CACNA1D: variants seen among roughly 807,000 people sequenced by gnomAD.
The protein encoded by CACNA1D is calcium voltage-gated channel subunit alpha1 D.
A neutral mutation model predicts 257.1 loss-of-function variants in CACNA1D; 55 were observed. The ratio of observed to expected loss-of-function variants is 0.21; its 90% CI spans 0.17 to 0.27. The LOEUF is 0.27. Ranked by LOEUF, CACNA1D falls within the 10% of genes least tolerant of loss-of-function variation. The pLI, the probability that CACNA1D is intolerant of heterozygous loss-of-function variation, is 1.00. For missense variants in CACNA1D, 1,876 were observed against 2,784.0 expected (o/e 0.67, Z 7.34); for synonymous variants, 980 against 1,014.9 (o/e 0.97, Z 0.65).
chr3:53,603,867 A>G (rs1207226394), intron 3 of CACNA1D, among the ~76,000 whole-genome samples: 1 of 152,196 alleles, frequency 6.6e-6, no homozygotes, highest in Non-Finnish European at 1.5e-5. Context: ...TTTTTTACAG[A>G]AAGATTTCCA....
chr3:53,530,291 A>G (rs2107440967), intron 3 of CACNA1D: 1 of 152,324 alleles, frequency 6.6e-6, no homozygotes, highest in African/African-American at 2.4e-5. Flanking sequence ...ATACAGGGAA[A>G]AAGGGAATCA....
chr3:53,496,168 C>T (rs1221755716), intron 1 of CACNA1D, among the ~76,000 whole-genome samples: 1 of 152,226 alleles, frequency 6.6e-6, no homozygotes. Flanking sequence ...ATCTCTCTAC[C>T]TTGCTGTCAC....
chr3:53,496,792 G>C (rs2090370687), intron 1 of CACNA1D, among the ~76,000 whole-genome samples: 1 of 152,144 alleles, frequency 6.6e-6, no homozygotes, highest in Non-Finnish European at 1.5e-5. Context: ...ACTCATTAGA[G>C]ATAGATGGGT....
chr3:53,638,786 G>C (rs2093915242), intron 3 of CACNA1D, among the ~76,000 whole-genome samples: 1 of 152,238 alleles, frequency 6.6e-6, no homozygotes, highest in Non-Finnish European at 1.5e-5. Context: ...GAGCTCAGCT[G>C]TGCCACCCAC....
chr3:53,627,276 T>A (rs976356771), intron 3 of CACNA1D, among the ~76,000 whole-genome samples: 28 of 152,112 alleles, frequency 1.8e-4, no homozygotes, highest in African/African-American at 6.8e-4. Flanking sequence ...CTGGGTGAGA[T>A]CCCAGAGAGA....
intron 29 of CACNA1D, among the ~76,000 whole-genome samples, chr3:53,754,297 G>A (rs1375712034): frequency 6.6e-6 from 1 of 152,242 alleles, no homozygotes; most frequent in African/African-American, 2.4e-5. Flanking sequence ...TTGGGAGGGA[G>A]TGAATTCAGT....
At chr3:53,797,662 T>C (rs2095514015) in intron 40 of CACNA1D, 1 of 152,248 alleles carries the variant, frequency 6.6e-6, no homozygotes, top group Admixed American at 6.5e-5. Context: ...GAAGATGTGC[T>C]GGAGACAGTT....
At chr3:53,806,442 G>A (rs1025213285) in intron 45 of CACNA1D, among the ~76,000 whole-genome samples, 24 of 152,134 alleles carry the variant, frequency 1.6e-4, no homozygotes, top group African/African-American at 5.8e-4. Context: ...AGGAGCTGGC[G>A]GATCTGGGTC....
intron 5 of CACNA1D, among the ~76,000 whole-genome samples, 172 bp downstream of exon 5, chr3:53,660,447 A>T (rs936829791): frequency 6.6e-6 from 1 of 152,096 alleles, no homozygotes; most frequent in East Asian, 1.9e-4. Context: ...GTCACGTTGG[A>T]TCCCCATGAC....
chr3:53,720,988 C>G (rs2094877513), intron 11 of CACNA1D, among the ~76,000 whole-genome samples: 1 of 152,110 alleles, frequency 6.6e-6, no homozygotes, highest in African/African-American at 2.4e-5. Context: ...CATGCTTACC[C>G]CAAGCTGGAA....
chr3:53,662,480 C>G (rs1249284582), intron 5 of CACNA1D, among the ~76,000 whole-genome samples: 2 of 152,138 alleles, frequency 1.3e-5, no homozygotes, highest in Non-Finnish European at 2.9e-5. Flanking sequence ...AAACATTTAT[C>G]AAAGTTCAAG....
chr3:53,579,478 T>C (rs939861021), intron 3 of CACNA1D, among the ~76,000 whole-genome samples: 3 of 152,204 alleles, frequency 2.0e-5, no homozygotes, highest in African/African-American at 7.2e-5. Flanking sequence ...AAAAACCTTA[T>C]CATTTAGGAC....
chr3:53,786,941 A>T lies in CACNA1D; in HGVS notation c.4912A>T (p.Ile1638Phe). ...AAAGTACCCTGCGAAGAACACCACA[A>T]TTGCCCTACAGGTGAATTGTTGTCT... is the stretch of plus-strand genomic sequence containing the variant. ...VGKYPAKNTT[I>F]ALQAGLRTLH... Residue 1638 changes from isoleucine (I) to phenylalanine (F), a missense_variant, in exon 40 of 48, where the codon ATT becomes TTT. By Grantham distance (21) the Ile-to-Phe change is conservative. Around this residue, in one of 10 missense-constraint regions of CACNA1D, gnomAD observed 160 missense variants for 236.6 expected, o/e 0.68. Coordinates refer to ENST00000350061, the MANE Select transcript of CACNA1D (RefSeq NM_001128840.3). The T allele has an allele frequency of 6.2e-7, 1 of 1,614,104 alleles. No homozygotes were observed. The highest frequency in any genetic ancestry group is 8.5e-7 in the Non-Finnish European group (1 of 1,179,966).
At chr3:53,576,802 T>G (rs3774455) in intron 3 of CACNA1D, among the ~76,000 whole-genome samples, 131,066 of 152,260 alleles carry the variant, frequency 0.86, 56,544 homozygotes, top group African/African-American at 0.87. Flanking sequence ...AAGGATCTCA[T>G]TCCTTTATCC....
At chr3:53,627,497 C>T (rs548414804) in intron 3 of CACNA1D, among the ~76,000 whole-genome samples, 55 of 151,890 alleles carry the variant, frequency 3.6e-4, no homozygotes, top group Non-Finnish European at 6.9e-4. Context: ...CTTAAGTCCC[C>T]GTTTCTTAGA....
rs1576311080 is a variant in CACNA1D, at chr3:53,673,926, T to G, written c.1220+800T>G. 1.3e-6 allele frequency: 1 copy of G among 766,022 alleles called. No homozygotes were observed. Among genetic ancestry groups the G allele is most frequent in the African/African-American group, 1.7e-5 (1 of 58,778 alleles). The allele number at this position is 766,022 out of a possible 1,614,324, so 47.5% of individuals were successfully genotyped here. ...TTCTCTGCATGTGTTTGGACTCTGA[T>G]GTCCTCTCAGTGTGTTGCTTTTGGA... On this transcript the variant is annotated intron_variant, in intron 8 of 47. Coordinates refer to ENST00000350061, the MANE Select transcript of CACNA1D (RefSeq NM_001128840.3). The surrounding 1 kb of genome is among the most constrained non-coding windows in gnomAD (Gnocchi z 4.1).
chr3:53,517,673 G>A (rs543033455), intron 3 of CACNA1D, among the ~76,000 whole-genome samples: 5 of 152,008 alleles, frequency 3.3e-5, no homozygotes, highest in East Asian at 1.9e-4. Flanking sequence ...TAGTAGAGAC[G>A]GGGTTTCACC....
chr3:53,713,496 GTGTGTA>G (rs796576123), intron 9 of CACNA1D, among the ~76,000 whole-genome samples: 167 of 96,090 alleles, frequency 1.7e-3, no homozygotes, highest in Admixed American at 3.9e-3. Flanking sequence ...CATTTGCTCT[GTGTGTA>G]TGTGTGTGTG....
At chr3:53,641,739 T>G (rs1055865432) in intron 3 of CACNA1D, among the ~76,000 whole-genome samples, 8 of 151,942 alleles carry the variant, frequency 5.3e-5, no homozygotes, top group Non-Finnish European at 1.2e-4. Flanking sequence ...AAATTGAAGA[T>G]GGCAACAGAG....
Sources: gnomAD v4.1 joint callset for allele counts (sites outside exome capture counted in the v4.1 genomes callset) on GRCh38, gnomAD v4.1.1 for gene constraint, gnomAD v4.1.1 regional missense constraint, Gnocchi (gnomAD v3.1) non-coding constraint, MANE v1.5 for transcripts, NCBI Gene and HGNC (gene_info 2026-07-23, HGNC 2026-07-21) for gene names.